NRXN1: variants seen among roughly 807,000 people sequenced by gnomAD.
NRXN1 encodes neurexin-1.
NRXN1 carries 39 observed loss-of-function variants against 150.9 expected under a neutral mutation model. The ratio of observed to expected loss-of-function variants is 0.26; its 90% CI spans 0.20 to 0.34. The LOEUF (loss-of-function observed/expected upper bound fraction) is 0.34. Ranked by LOEUF, NRXN1 falls within the 10% of genes least tolerant of loss-of-function variation. NRXN1 has a pLI of 1.00. For missense variants in NRXN1, 1,815 were observed against 1,949.9 expected, an observed-to-expected ratio of 0.93 and a Z score of 1.30; for synonymous variants, 924 against 757.0, an observed-to-expected ratio of 1.22 and a Z score of -3.62.
chr2:50,267,606 G>A (rs555329944), intron 17 of NRXN1, among the ~76,000 whole-genome samples: 1 of 152,164 alleles, frequency 6.6e-6, no homozygotes, highest in East Asian at 1.9e-4. Context: ...CCACAACATT[G>A]TCACGATCTG....
chr2:50,254,271 C>T (rs1196171475), intron 17 of NRXN1, among the ~76,000 whole-genome samples: 2 of 148,998 alleles, frequency 1.3e-5, no homozygotes, highest in African/African-American at 5.0e-5. Flanking sequence ...TCCCCTTTAT[C>T]ATTTTTTATT....
intron 17 of NRXN1, among the ~76,000 whole-genome samples, chr2:50,366,532 G>C (rs1487318426): frequency 6.6e-6 from 1 of 151,954 alleles, no homozygotes; most frequent in Non-Finnish European, 1.5e-5. Flanking sequence ...AGTGCACAGA[G>C]TAGCAATATG....
At chr2:50,944,220 A>G (rs559786342) in intron 2 of NRXN1, among the ~76,000 whole-genome samples, 10 of 152,280 alleles carry the variant, frequency 6.6e-5, no homozygotes, top group East Asian at 3.9e-4. Flanking sequence ...TTGGAAAAAA[A>G]GTTGAGAAGG....
intron 21 of NRXN1, among the ~76,000 whole-genome samples, chr2:49,945,391 C>CTT (rs200640344): frequency 3.8e-4 from 54 of 140,706 alleles, no homozygotes; most frequent in African/African-American, 1.2e-3. Context: ...GGGGTTTTCT[C>CTT]TTTTTTTTTT....
In NRXN1 at chr2:50,134,273, GAAAAA is replaced by G. The variant is rs59985780; in HGVS notation, c.3547-42784_3547-42780del. Among the ~76,000 whole-genome samples the G allele has an allele frequency of 3.5e-4, 34 of 96,466 alleles. No homozygotes were observed. The East Asian group carries it at 9.7e-3, about 27-fold the overall frequency. 63.3% of individuals were successfully genotyped at this position (96,466 alleles called of 152,430 possible). On this transcript the variant is annotated intron_variant, in intron 18 of 22. Transcript: ENST00000401669. ...TGCCAAAACCAATTAAAAGTAACCA[GAAAAA>G]AAAAAAAAAAAAAAGAGAACACTAA...
At chr2:50,207,445 T>C (rs1332610345) in intron 18 of NRXN1, 1 of 152,066 alleles carries the variant, frequency 6.6e-6, no homozygotes, top group Non-Finnish European at 1.5e-5. Context: ...TGCCTTATTA[T>C]AGTAACTTAA....
Position 50,127,356 on chromosome 2 carries a change from T to C in NRXN1, c.3547-35862A>G, listed in dbSNP as rs1276807794. Among the ~76,000 whole-genome samples the C allele has an allele frequency of 3.9e-5, 6 of 152,304 alleles. No individual in the cohort carries two copies. In the South Asian group the frequency reaches 8.3e-4, roughly 21 times the overall value. ...TCAAAGTATTAGTACATAAATCATA[T>C]ATAATCTAAAATTTTTAAAAACCTG... is the stretch of plus-strand genomic sequence containing the variant. On this transcript the variant is annotated intron_variant, in intron 18 of 22. Coordinates refer to ENST00000401669, the MANE Select transcript of NRXN1 (RefSeq NM_001330078.2).
At chr2:50,568,065 C>A (rs75658949) in intron 8 of NRXN1, among the ~76,000 whole-genome samples, 2,813 of 152,192 alleles carry the variant, frequency 0.018, 37 homozygotes, top group Middle Eastern at 0.044. Flanking sequence ...CCCAGACAGT[C>A]CAGATACAGA....
chr2:50,774,388 C>T (rs533245448), intron 5 of NRXN1, among the ~76,000 whole-genome samples: 2 of 152,156 alleles, frequency 1.3e-5, no homozygotes, highest in South Asian at 2.1e-4. Context: ...TGAGTATACT[C>T]GATATTTCAG....
At chr2:50,254,602 C>T (rs2067513193) in intron 17 of NRXN1, among the ~76,000 whole-genome samples, 1 of 150,372 alleles carries the variant, frequency 6.7e-6, no homozygotes, top group Non-Finnish European at 1.5e-5. Flanking sequence ...CCCAAAGATT[C>T]TGGTACATTG....
chr2:50,662,130 G>A (rs999420977), intron 5 of NRXN1, among the ~76,000 whole-genome samples: 2 of 152,002 alleles, frequency 1.3e-5, no homozygotes, highest in African/African-American at 4.8e-5. Flanking sequence ...TAAACAAAAT[G>A]TCCTTACCAC....
Position 50,001,163 on chromosome 2 carries a change from G to A in NRXN1, c.4128+52108C>T, listed in dbSNP as rs112257654. 5.9e-5 allele frequency among the ~76,000 whole-genome samples: 9 copies of A among 152,218 alleles called. 1 individual carries two copies. Among genetic ancestry groups the A allele is most frequent in the African/African-American group, 2.2e-4 (9 of 41,552 alleles). On this transcript the variant is annotated intron_variant, in intron 21 of 22. Transcript: ENST00000401669. ...TCACAGCCCAAGAAAGCATGGCTGA[G>A]CTATTTAACATCTCTAATTTCAGAT...
intron 2 of NRXN1, among the ~76,000 whole-genome samples, chr2:50,963,428 A>G (rs746222462): frequency 4.6e-5 from 7 of 151,626 alleles, no homozygotes; most frequent in Non-Finnish European, 8.9e-5. Flanking sequence ...GAGGAAAACT[A>G]TATGTAGCAG....
chr2:50,368,729 A>T (rs1296589019), intron 17 of NRXN1, among the ~76,000 whole-genome samples: 1 of 151,940 alleles, frequency 6.6e-6, no homozygotes, highest in Non-Finnish European at 1.5e-5. Context: ...CTAATTTTTT[A>T]TTGGCCTTGA....
At chr2:50,508,887 A>G (rs1432865142) in intron 12 of NRXN1, among the ~76,000 whole-genome samples, 1 of 152,208 alleles carries the variant, frequency 6.6e-6, no homozygotes, top group African/African-American at 2.4e-5. Flanking sequence ...AAAGGCACTT[A>G]ATAGTCTCAC....
At chr2:50,013,293 A>T (rs1573405155) in intron 21 of NRXN1, among the ~76,000 whole-genome samples, 1 of 81,006 alleles carries the variant, frequency 1.2e-5, no homozygotes, top group South Asian at 3.9e-4. Flanking sequence ...TTTTGGATAC[A>T]GCTGTGTAAA....
In NRXN1 at chr2:50,346,870, GCGCCGCCGC is replaced by G. The variant is rs750165040; in HGVS notation, c.3365-109909_3365-109901del. 1,233 of 1,366,786 alleles carry G rather than the reference GCGCCGCCGC, an allele frequency of 9.0e-4. 37 individuals are homozygous for G. The highest frequency in any genetic ancestry group is 8.4e-3 in the African/African-American group (559 of 66,786). The allele number at this position is 1,366,786 out of a possible 1,614,324, so 84.7% of individuals were successfully genotyped here. The stretch of plus-strand genomic sequence containing the variant: ...CCAAAGCAGGGCCAGGCGCCCCCCT[GCGCCGCCGC>G]CGCCGCCGCCGCCGCCGCCGCCCCC... On this transcript the variant is annotated intron_variant, in intron 17 of 22. Transcript: ENST00000401669. This position sits in a 1 kb window ranked among gnomAD's most constrained non-coding sequence, Gnocchi z 5.0.
intron 15 of NRXN1, among the ~76,000 whole-genome samples, chr2:50,484,374 T>C (rs548724216): frequency 1.3e-5 from 2 of 152,344 alleles, no homozygotes; most frequent in East Asian, 3.9e-4. Context: ...TCCTAGTGCA[T>C]GTCTCCAAAC....
chr2:50,297,237 C>T (rs1050469537), intron 17 of NRXN1, among the ~76,000 whole-genome samples: 1 of 152,040 alleles, frequency 6.6e-6, no homozygotes, highest in African/African-American at 2.4e-5. Flanking sequence ...TGTACATGTA[C>T]CATATATTTT....
Sources: allele counts gnomAD v4.1 joint callset (sites outside exome capture counted in the v4.1 genomes callset), GRCh38; gene constraint gnomAD v4.1.1; non-coding constraint Gnocchi (gnomAD v3.1); transcripts MANE v1.5; gene names NCBI Gene and HGNC (gene_info 2026-07-23, HGNC 2026-07-21).